Variants in CACNA1B observed in about 807,000 individuals in gnomAD.
CACNA1B encodes calcium voltage-gated channel subunit alpha1 B.
In CACNA1B, 70 loss-of-function variants were observed where a neutral mutation model predicts 247.2. The observed-to-expected ratio is 0.28, with a 90% CI of 0.23 to 0.35. The LOEUF (loss-of-function observed/expected upper bound fraction) is 0.35. Ranked by LOEUF, CACNA1B falls within the 10% of genes least tolerant of loss-of-function variation. The probability of loss-of-function intolerance (pLI) is 1.00; values close to 1 mark genes in which losing one functional copy is unlikely to be tolerated. For synonymous variants in CACNA1B, 1,231 were observed against 1,294.4 expected (o/e 0.95, Z 1.05); for missense variants, 2,367 against 3,197.4 (o/e 0.74, Z 6.26).
At chr9:137,953,066 C>T (rs1198654012) in intron 7 of CACNA1B, among the ~76,000 whole-genome samples, 1 of 152,146 alleles carries the variant, frequency 6.6e-6, no homozygotes, top group African/African-American at 2.4e-5. Flanking sequence ...AGAGTCCTCT[C>T]TGGGAGTGGG....
intron 15 of CACNA1B, among the ~76,000 whole-genome samples, chr9:138,005,593 T>G (rs1817030914): frequency 6.6e-6 from 1 of 152,190 alleles, no homozygotes; most frequent in Non-Finnish European, 1.5e-5. Context: ...TATTTCAAAA[T>G]AATCAGAAGA....
At chr9:138,066,505 A>G (rs1959921744) in intron 31 of CACNA1B, among the ~76,000 whole-genome samples, 1 of 152,144 alleles carries the variant, frequency 6.6e-6, no homozygotes, top group African/African-American at 2.4e-5. Flanking sequence ...AGGGGGAAGG[A>G]GAGAGACAAG....
intron 3 of CACNA1B, among the ~76,000 whole-genome samples, chr9:137,906,723 T>C (rs1433481518): frequency 6.6e-6 from 1 of 152,214 alleles, no homozygotes; most frequent in Non-Finnish European, 1.5e-5. Context: ...CCCCATGTGA[T>C]GCATTATTTA....
intron 12 of CACNA1B, among the ~76,000 whole-genome samples, chr9:137,980,568 G>A (rs1006822473): frequency 3.9e-5 from 6 of 152,146 alleles, no homozygotes; most frequent in African/African-American, 7.2e-5. Context: ...TTGTTACATG[G>A]GTATATTGTG....
intron 20 of CACNA1B, among the ~76,000 whole-genome samples, chr9:138,033,848 TC>T (rs1201458889): frequency 6.6e-6 from 1 of 152,136 alleles, no homozygotes; most frequent in Non-Finnish European, 1.5e-5. Flanking sequence ...ATCTGGTCTC[TC>T]CCTTGACACG....
At chr9:137,975,070 GTTC>G (rs2133369833) in intron 11 of CACNA1B, among the ~76,000 whole-genome samples, 1 of 152,264 alleles carries the variant, frequency 6.6e-6, no homozygotes, top group African/African-American at 2.4e-5. Flanking sequence ...GAGCCACGGC[GTTC>G]TTCTGTGCTG....
chr9:137,999,879 C>T (rs2133400690), intron 15 of CACNA1B, among the ~76,000 whole-genome samples: 1 of 152,164 alleles, frequency 6.6e-6, no homozygotes, highest in African/African-American at 2.4e-5. Flanking sequence ...GCAGATGATG[C>T]TAAGAGTAGA....
chr9:138,043,263 G>A (rs1370955616), intron 20 of CACNA1B, among the ~76,000 whole-genome samples: 3 of 152,174 alleles, frequency 2.0e-5, no homozygotes, highest in Non-Finnish European at 4.4e-5. Context: ...TGGGAAGGGC[G>A]TCCTTCCAAG....
Position 137,954,330 on chromosome 9 carries a change from G to A in CACNA1B, c.1071-1368G>A, listed in dbSNP as rs1188111228. ...GGAGGGGCCAGCTTGGGGCCAATTC[G>A]GCATCTCTCTCTCCATTCCCAGAGC... On this transcript the variant is annotated intron_variant, in intron 7 of 46. Coordinates refer to ENST00000371372, the MANE Select transcript of CACNA1B (RefSeq NM_000718.4). This position sits in a 1 kb window ranked among gnomAD's most constrained non-coding sequence, Gnocchi z 4.1. Among the ~76,000 whole-genome samples the A allele has an allele frequency of 2.0e-5, 3 of 151,680 alleles. No individual in the cohort carries two copies. Among genetic ancestry groups the A allele is most frequent in the East Asian group, 1.9e-4 (1 of 5,188 alleles).
At position 138,011,209 on chromosome 9, in the gene CACNA1B, G is replaced by A. The variant is rs1958720238; in HGVS notation, c.2160+1132G>A. On this transcript the variant is annotated intron_variant, in intron 17 of 46. Transcript: ENST00000371372. This position sits in a 1 kb window ranked among gnomAD's most constrained non-coding sequence, Gnocchi z 4.2. ...CCCCCACAGAGCTCTCCTTGGTGCC[G>A]GGGTTGCCTTGGAGCCCGGGGCCCT... is the stretch of plus-strand genomic sequence containing the variant. Among the ~76,000 whole-genome samples, 2 of 152,200 alleles carry A rather than the reference G, an allele frequency of 1.3e-5. No homozygotes were observed. The highest frequency in any genetic ancestry group is 1.3e-4 in the Admixed American group (2 of 15,288).
intron 20 of CACNA1B, among the ~76,000 whole-genome samples, chr9:138,031,755 C>T (rs1043791925): frequency 6.6e-6 from 1 of 152,090 alleles, no homozygotes; most frequent in South Asian, 2.1e-4. Flanking sequence ...TGTGTAACGT[C>T]CTTCTCTGTA....
intron 37 of CACNA1B, among the ~76,000 whole-genome samples, chr9:138,098,993 G>T (rs1459354498): frequency 6.6e-6 from 1 of 152,208 alleles, no homozygotes. Context: ...GAGCCTTTTT[G>T]GTAGCCTCTG....
At chr9:138,106,352 G>A (rs912016474) in intron 39 of CACNA1B, among the ~76,000 whole-genome samples, 2 of 150,484 alleles carry the variant, frequency 1.3e-5, no homozygotes, top group Non-Finnish European at 2.9e-5. Context: ...CCCATCTCCT[G>A]CTTTGTGTGC....
intron 6 of CACNA1B, among the ~76,000 whole-genome samples, chr9:137,923,237 A>AGGTGGTATTCCG (rs1957508222): frequency 8.3e-5 from 4 of 48,214 alleles, no homozygotes; most frequent in Non-Finnish European, 1.7e-4. Context: ...GTGGTATTCC[A>AGGTGGTATTCCG]TGGTGCCAGG....
chr9:137,937,713 AG>A (rs1957684180), intron 6 of CACNA1B, among the ~76,000 whole-genome samples: 1 of 152,106 alleles, frequency 6.6e-6, no homozygotes, highest in Non-Finnish European at 1.5e-5. Context: ...TGGGAGGCCA[AG>A]GTGGGCGGAT....
chr9:137,959,373 C>T (rs1474398328), intron 10 of CACNA1B, among the ~76,000 whole-genome samples: 2 of 152,160 alleles, frequency 1.3e-5, no homozygotes, highest in African/African-American at 4.8e-5. Context: ...ACACCTGGTC[C>T]ATCTTATAAT....
chr9:138,074,101 G>A (rs145698236), intron 34 of CACNA1B, 35 bp downstream of exon 34: 15 of 1,504,906 alleles, frequency 1.0e-5, no homozygotes, highest in Admixed American at 6.7e-5. Flanking sequence ...GCGTGGTTCC[G>A]GCCTCCCGTG....
At position 138,091,152 on chromosome 9, in the gene CACNA1B, A is replaced by G. The variant is rs1960865010; in HGVS notation, c.5095-5332A>G. Among the ~76,000 whole-genome samples, 4 of 152,194 alleles carry G rather than the reference A, an allele frequency of 2.6e-5. No homozygotes were observed. In the South Asian group the frequency reaches 8.3e-4, roughly 31 times the overall value. On this transcript the variant is annotated intron_variant, in intron 36 of 46. Coordinates refer to ENST00000371372, the MANE Select transcript of CACNA1B (RefSeq NM_000718.4). Reference sequence around the variant, plus strand: ...AATCAACTTAAGTGTCCATCCACACATGAATGGATTTTTAAAATATTTTCC... The same window carrying G: ...AATCAACTTAAGTGTCCATCCACACGTGAATGGATTTTTAAAATATTTTCC...
chr9:137,935,717 C>A (rs1337661235), intron 6 of CACNA1B, among the ~76,000 whole-genome samples: 1 of 152,216 alleles, frequency 6.6e-6, no homozygotes, highest in Non-Finnish European at 1.5e-5. Context: ...ACACTCCCAA[C>A]AACAGTGTAA....
Sources: allele counts gnomAD v4.1 joint callset (sites outside exome capture counted in the v4.1 genomes callset), GRCh38; gene constraint gnomAD v4.1.1; non-coding constraint Gnocchi (gnomAD v3.1); transcripts MANE v1.5; gene names NCBI Gene and HGNC (gene_info 2026-07-23, HGNC 2026-07-21).